Variants in GPC2 observed in about 807,000 individuals in gnomAD.
GPC2 encodes glypican-2.
In GPC2, 42 loss-of-function variants were observed where a neutral mutation model predicts 57.3. The ratio of observed to expected loss-of-function variants is 0.73; its 90% CI spans 0.57 to 0.95. The LOEUF (loss-of-function observed/expected upper bound fraction) is 0.95, where lower values mean the gene tolerates loss of function less well. GPC2 is among the 40% of genes least tolerant of loss of function. GPC2 has a pLI of 0.00. For synonymous variants in GPC2, 364 were observed against 343.4 expected, an observed-to-expected ratio of 1.06 and a Z score of -0.66; for missense variants, 745 against 793.6, an observed-to-expected ratio of 0.94 and a Z score of 0.74.
intron 5 of GPC2, chr7:100,173,446 T>TC (rs1022363277): frequency 2.0e-5 from 3 of 152,742 alleles, no homozygotes; most frequent in African/African-American, 4.9e-5. Context: ...TTTCTTTCTT[T>TC]TTTTTTTTTT....
Position 100,171,893 on chromosome 7 carries a change from C to A in GPC2, c.1056G>T (p.Val352=). Residue 352 remains valine (V), a synonymous_variant, in exon 7 of 10, where the codon GTG becomes GTT. Coordinates refer to ENST00000292377, the MANE Select transcript of GPC2 (RefSeq NM_152742.3). This position sits in a 1 kb window ranked among gnomAD's most constrained non-coding sequence, Gnocchi z 4.8. ...VFQECGPPDP[V]PARNRRAPPP... ...GCGGGGCTCGACGGTTGCGGGCAGGCACCGGGTCGGGGGGGCCGCACTCCT... is the reference window on the plus strand; with the variant it reads ...GCGGGGCTCGACGGTTGCGGGCAGGAACCGGGTCGGGGGGGCCGCACTCCT... The A allele has an allele frequency of 6.6e-7, 1 of 1,507,018 alleles. No individual in the cohort carries two copies. The highest frequency in any genetic ancestry group is 1.3e-5 in the South Asian group (1 of 78,738). 93.4% of individuals were successfully genotyped at this position (1,507,018 alleles called of 1,614,324 possible). A position where few individuals can be genotyped will look rare whatever the true frequency, so the allele number is the denominator to read the frequency against.
chr7:100,173,457 T>TTG (rs1407762350), intron 5 of GPC2: 16 of 154,402 alleles, frequency 1.0e-4, no homozygotes, highest in African/African-American at 2.4e-5. Flanking sequence ...TTTTTTTTTT[T>TTG]GGTAGAGATG....
Position 100,171,805 on chromosome 7 carries a change from C to A in GPC2, c.1144G>T (p.Ala382Ser). The change falls in exon 7 of 10, where the codon GCC becomes TCC. Residue 382 changes from alanine to serine, a missense_variant. Ala to Ser is a moderately conservative substitution (Grantham distance 99, BLOSUM62 1). Around this residue, in one of 2 missense-constraint regions of GPC2, gnomAD observed 607 missense variants for 603.9 expected, o/e 1.01. Transcript: ENST00000292377. This position sits in a 1 kb window ranked among gnomAD's most constrained non-coding sequence, Gnocchi z 4.8. Reference protein sequence around the residue: ...MVTEEERPTTAAGTNLHRLVW... With the variant: ...MVTEEERPTTSAGTNLHRLVW... ...AGCCGGTGCAGGTTGGTGCCTGCGG[C>A]CGTCGTGGGCCGCTCCTCCTCGGTC... 1 of 1,571,724 alleles carries A rather than the reference C, an allele frequency of 6.4e-7. No homozygotes were observed. Among genetic ancestry groups the A allele is most frequent in the Admixed American group, 1.8e-5 (1 of 56,778 alleles).
At position 100,176,354 on chromosome 7, in the gene GPC2, G is replaced by A. The variant is rs139098933; in HGVS notation, c.178C>T (p.Arg60Trp). Reference protein sequence around the residue: ...PPALISGEHLRVCPQEYTCCS... With the variant: ...PPALISGEHLWVCPQEYTCCS... Reference sequence around the variant, plus strand: ...CAGGTGTACTCCTGGGGACAGACCCGGAGGTGCTCACCTGGACAGAGGAGA... The same window carrying A: ...CAGGTGTACTCCTGGGGACAGACCCAGAGGTGCTCACCTGGACAGAGGAGA... The change falls in exon 2 of 10, where the codon CGG becomes TGG. Residue 60 changes from arginine (R) to tryptophan (W), a missense_variant. By Grantham distance (101) the Arg-to-Trp change is moderately radical. Around this residue, in one of 2 missense-constraint regions of GPC2, gnomAD observed 138 missense variants for 189.8 expected, o/e 0.73. Coordinates refer to ENST00000292377, the MANE Select transcript of GPC2 (RefSeq NM_152742.3). 2.5e-6 allele frequency: 4 copies of A among 1,613,626 alleles called. No homozygotes were observed. Among genetic ancestry groups the A allele is most frequent in the Non-Finnish European group, 3.4e-6 (4 of 1,179,838 alleles).
chr7:100,174,303 CA>C, intron 4 of GPC2: 1 of 510,058 alleles, frequency 2.0e-6, no homozygotes, highest in South Asian at 2.3e-5. Flanking sequence ...GCTGGGAGGT[CA>C]GGTAGAGGAT....
At position 100,173,840 on chromosome 7, in the gene GPC2, T is replaced by A; in HGVS notation, c.887A>T (p.Tyr296Phe). 6.4e-7 allele frequency: 1 copy of A among 1,564,104 alleles called. No homozygotes were observed. Among genetic ancestry groups the A allele is most frequent in the South Asian group, 1.2e-5 (1 of 84,716 alleles). ...GCTTTCTTGAATCCCCTCACCCAGA[T>A]AGTTGCCCCAGTCAGGCTCCAGTCC... is the stretch of plus-strand genomic sequence containing the variant. ...SRGLEPDWGNYLDGLLILADK... is the reference protein window; with the variant it reads ...SRGLEPDWGNFLDGLLILADK... Residue 296 changes from tyrosine (Y) to phenylalanine (F), a missense_variant, in exon 5 of 10, where the codon TAT becomes TTT. Tyr to Phe is a conservative substitution (Grantham distance 22). Around this residue, in one of 2 missense-constraint regions of GPC2, gnomAD observed 607 missense variants for 603.9 expected, o/e 1.01. Transcript: ENST00000292377.
chr7:100,171,280 G>T lies in GPC2; in HGVS notation c.1467C>A (p.Asp489Glu). 1 of 1,535,754 alleles carries T rather than the reference G, an allele frequency of 6.5e-7. No homozygotes were observed. Among genetic ancestry groups the T allele is most frequent in the Middle Eastern group, 1.9e-4 (1 of 5,242 alleles). ...ARMKTAALGH[D>E]LDGQDADEDA... ...TCTCACCCGCGTCCTGCCCGTCCAG[G>T]TCGTGTCCCAGTGCGGCCGTTTTCA... Residue 489 changes from aspartate to glutamate, a missense_variant, in exon 9 of 10, where the codon GAC becomes GAA. Coordinates refer to ENST00000292377, the MANE Select transcript of GPC2 (RefSeq NM_152742.3). The surrounding 1 kb of genome is among the most constrained non-coding windows in gnomAD (Gnocchi z 4.8).
intron 1 of GPC2, 34 bp downstream of exon 1, chr7:100,177,000 C>G (rs1467337556): frequency 2.3e-6 from 1 of 431,336 alleles, no homozygotes; most frequent in Non-Finnish European, 4.0e-6. Flanking sequence ...CCGCCCCCCA[C>G]CCCCAATTCT....
At chr7:100,173,589 C>G (rs557413113) in intron 5 of GPC2, 2 of 278,294 alleles carry the variant, frequency 7.2e-6, no homozygotes, top group Non-Finnish European at 6.6e-6. Context: ...TGATTTCTTT[C>G]TTTTCTTTCT....
Position 100,172,698 on chromosome 7 carries a change from C to CACGTATATATAT in GPC2, c.893-482_893-481insATATATATACGT, listed in dbSNP as rs1799201231. ...GTGTGTGTGTGTGTATATATATATACGTGTATATATATGTATATATACACG... is the reference window on the plus strand; with the variant it reads ...GTGTGTGTGTGTGTATATATATATACACGTATATATATGTGTATATATATGTATATATACACG... On this transcript the variant is annotated intron_variant, in intron 5 of 9. Transcript: ENST00000292377. 4.4e-4 allele frequency among the ~76,000 whole-genome samples: 42 copies of CACGTATATATAT among 95,838 alleles called. 1 individual carries two copies. The highest frequency in any genetic ancestry group is 3.1e-3 in the South Asian group (10 of 3,208). 62.9% of individuals were successfully genotyped at this position (95,838 alleles called of 152,430 possible).
rs914192029 is a variant in GPC2 at position 100,173,928 on chromosome 7, G to T, written c.799C>A (p.Pro267Thr). 1.2e-6 allele frequency: 2 copies of T among 1,604,860 alleles called. No individual in the cohort carries two copies. The highest frequency in any genetic ancestry group is 2.7e-5 in the African/African-American group (2 of 74,266). The stretch of plus-strand genomic sequence containing the variant: ...AAGCCCTGGCAGGGCATAAGTGAGG[G>T]GACCCCCCGGCACAGGGGACAGCCG... ...LIGCPLCRGVPSLMPCQGFCL... is the reference protein window; with the variant it reads ...LIGCPLCRGVTSLMPCQGFCL... Residue 267 changes from proline to threonine, a missense_variant, in exon 5 of 10, where the codon CCC becomes ACC. Pro to Thr is a conservative substitution (Grantham distance 38, BLOSUM62 -1). Coordinates refer to ENST00000292377, the MANE Select transcript of GPC2 (RefSeq NM_152742.3).
chr7:100,175,901 C>A lies in GPC2; in HGVS notation c.326-7G>T. ...AGCATCTCCAGAAAAAACTCTGCAG[C>A]AAATGCAGGGAACAGGTGGAAGGCA... On this transcript the variant is annotated splice_region_variant and splice_polypyrimidine_tract_variant and intron_variant, in intron 2 of 9. Coordinates refer to ENST00000292377, the MANE Select transcript of GPC2 (RefSeq NM_152742.3). 5 of 1,611,732 alleles carry A rather than the reference C, an allele frequency of 3.1e-6. No homozygotes were observed. The highest frequency in any genetic ancestry group is 4.2e-6 in the Non-Finnish European group (5 of 1,178,190).
intron 1 of GPC2, 57 bp downstream of exon 1, chr7:100,176,977 G>A (rs1351394516): frequency 2.6e-6 from 2 of 765,186 alleles, no homozygotes; most frequent in East Asian, 6.0e-5. Flanking sequence ...TGTGAGATGA[G>A]GAGGCCCCGC....
At chr7:100,176,751 T>C (rs544205528) in intron 1 of GPC2, among the ~76,000 whole-genome samples, 4 of 152,166 alleles carry the variant, frequency 2.6e-5, no homozygotes, top group East Asian at 3.9e-4. Context: ...AAGGGGCTAA[T>C]AGAAACAGCG....
Position 100,171,363 on chromosome 7 carries a change from C to A in GPC2, c.1384G>T (p.Gly462Cys). ...NNPELKVDAS[G>C]PDVPTRRRRL... ...CGCCGCCGTGTCGGGACATCGGGGC[C>A]CGAGGCGTCCACCTTGAGCTCGGGG... Residue 462 changes from glycine (G) to cysteine (C), a missense_variant, in exon 9 of 10, where the codon GGC becomes TGC. Coordinates refer to ENST00000292377, the MANE Select transcript of GPC2 (RefSeq NM_152742.3). The surrounding 1 kb of genome is among the most constrained non-coding windows in gnomAD (Gnocchi z 4.8). 6.5e-7 allele frequency: 1 copy of A among 1,542,838 alleles called. No homozygotes were observed.
At position 100,174,355 on chromosome 7, in the gene GPC2, A is replaced by G. The variant is rs540223050; in HGVS notation, c.729+330T>C. 6 of 521,072 alleles carry G rather than the reference A, an allele frequency of 1.2e-5. No individual in the cohort carries two copies. The East Asian group carries it at 1.7e-4, about 15-fold the overall frequency. The allele number at this position is 521,072 out of a possible 1,614,324, so 32.3% of individuals were successfully genotyped here. A position where few individuals can be genotyped will look rare whatever the true frequency, so the allele number is the denominator to read the frequency against. ...CCAAGCCAGGCATCTGGCCTTCAGC[A>G]GCAGGGAAGTGGAGTCATTGAGGGA... On this transcript the variant is annotated intron_variant, in intron 4 of 9. Coordinates refer to ENST00000292377, the MANE Select transcript of GPC2 (RefSeq NM_152742.3).
intron 9 of GPC2, 127 bp from the exon 10 acceptor site, chr7:100,170,610 T>C (rs2116980674): frequency 1.2e-6 from 1 of 866,504 alleles, no homozygotes; most frequent in South Asian, 2.4e-5. Flanking sequence ...GGATGCCGGG[T>C]TGGGGAAGGG....
Position 100,171,291 on chromosome 7 carries a change from G to T in GPC2, c.1456C>A (p.Leu486Met). The T allele has an allele frequency of 6.5e-7, 1 of 1,537,082 alleles. No homozygotes were observed. Among genetic ancestry groups the T allele is most frequent in the South Asian group, 1.2e-5 (1 of 83,612 alleles). Reference sequence around the variant, plus strand: ...TCCTGCCCGTCCAGGTCGTGTCCCAGTGCGGCCGTTTTCATTCTGGCCGTG... The same window carrying T: ...TCCTGCCCGTCCAGGTCGTGTCCCATTGCGGCCGTTTTCATTCTGGCCGTG... ...AATARMKTAA[L>M]GHDLDGQDAD... Residue 486 changes from leucine (L) to methionine (M), a missense_variant, in exon 9 of 10, where the codon CTG becomes ATG. Transcript: ENST00000292377. The surrounding 1 kb of genome is among the most constrained non-coding windows in gnomAD (Gnocchi z 4.8).
intron 5 of GPC2, 24 bp downstream of exon 5, chr7:100,173,811 C>T: frequency 6.6e-7 from 1 of 1,506,420 alleles, no homozygotes; most frequent in Non-Finnish European, 8.9e-7. Context: ...ATGCCTGGCT[C>T]CAGGCTTTCT....
Sources: gnomAD v4.1 joint callset for allele counts (sites outside exome capture counted in the v4.1 genomes callset) on GRCh38, gnomAD v4.1.1 for gene constraint, gnomAD v4.1.1 regional missense constraint, Gnocchi (gnomAD v3.1) non-coding constraint, MANE v1.5 for transcripts, NCBI Gene and HGNC (gene_info 2026-07-23, HGNC 2026-07-21) for gene names.